Variants in PIK3C2B observed in about 807,000 individuals in gnomAD.
PIK3C2B encodes the protein phosphatidylinositol 4-phosphate 3-kinase C2 domain-containing subunit beta.
PIK3C2B carries 83 observed loss-of-function variants against 184.3 expected under a neutral mutation model. The ratio of observed to expected loss-of-function variants is 0.45; its 90% CI spans 0.38 to 0.54. The LOEUF (loss-of-function observed/expected upper bound fraction) is 0.54. Among genes scored for constraint, PIK3C2B ranks in the 20% least tolerant of loss-of-function variants. The probability of loss-of-function intolerance (pLI) is 0.00; values close to 1 mark genes in which losing one functional copy is unlikely to be tolerated. For synonymous variants in PIK3C2B, 779 were observed against 837.6 expected, an observed-to-expected ratio of 0.93 and a Z score of 1.21; for missense variants, 1,736 against 2,113.5, an observed-to-expected ratio of 0.82 and a Z score of 3.50.
chr1:204,451,095 C>A (rs1654309486), intron 12 of PIK3C2B, among the ~76,000 whole-genome samples: 1 of 152,246 alleles, frequency 6.6e-6, no homozygotes, highest in Non-Finnish European at 1.5e-5. Flanking sequence ...GCTGCCTCTA[C>A]CCTGGGGGCC....
chr1:204,447,537 G>T lies in PIK3C2B; in HGVS notation c.2388C>A (p.Ser796Arg). 6.2e-7 allele frequency: 1 copy of T among 1,610,170 alleles called. No homozygotes were observed. The highest frequency in any genetic ancestry group is 8.5e-7 in the Non-Finnish European group (1 of 1,177,204). The change falls in exon 15 of 33, where the codon AGC becomes AGA. Residue 796 changes from serine (S) to arginine (R), a missense_variant. Physicochemically the swap from Ser to Arg is moderately radical, Grantham distance 110. Coordinates refer to ENST00000684373, the MANE Select transcript of PIK3C2B (RefSeq NM_001377334.1). The surrounding 1 kb of genome is among the most constrained non-coding windows in gnomAD (Gnocchi z 4.1). ...PTSAFDIKFT[S>R]PPGDKFSPRY... is the part of the protein sequence containing the mutation. ...GGGGGCTGAACTTGTCTCCAGGGGG[G>T]CTGGTGAACTTGATGTCAAAGGCCG...
Position 204,449,991 on chromosome 1 carries a change from C to T in PIK3C2B, c.2093G>A (p.Arg698Gln), listed in dbSNP as rs763323789. 11 of 1,584,962 alleles carry T rather than the reference C, an allele frequency of 6.9e-6. No individual in the cohort carries two copies. Among genetic ancestry groups the T allele is most frequent in the South Asian group, 4.6e-5 (4 of 87,142 alleles). The change falls in exon 13 of 33, where the codon CGG (arginine) becomes CAG (glutamine). Residue 698 changes from arginine (R) to glutamine (Q), a missense_variant. Arg to Gln is a conservative substitution (Grantham distance 43). Coordinates refer to ENST00000684373, the MANE Select transcript of PIK3C2B (RefSeq NM_001377334.1). ...ACACAGCAGTGTCTCCCGAGGCAGC[C>T]GGTTCACCTGCACTGGGAAGCAGAT... ...QQICFPVQVNRLPRETLLCAT... is the reference protein window; with the variant it reads ...QQICFPVQVNQLPRETLLCAT...
Position 204,469,901 on chromosome 1 carries a change from T to C in PIK3C2B, c.-84-15A>G, listed in dbSNP as rs191885769. 1.1e-3 allele frequency: 734 copies of C among 693,632 alleles called. No homozygotes were observed. In the African/African-American group the frequency reaches 0.011, roughly 10 times the overall value. 43.0% of individuals were successfully genotyped at this position (693,632 alleles called of 1,614,324 possible). On this transcript the variant is annotated splice_polypyrimidine_tract_variant and intron_variant, in intron 1 of 32. Transcript: ENST00000684373. ...TGTCTGGGCGCCTGCAGGTGAGGGGTAAAAATATCAATCAGTCACAAAGAG... is the reference window on the plus strand; with the variant it reads ...TGTCTGGGCGCCTGCAGGTGAGGGGCAAAAATATCAATCAGTCACAAAGAG...
chr1:204,440,765 TTATA>T (rs34842826), intron 21 of PIK3C2B, among the ~76,000 whole-genome samples: 1,535 of 139,866 alleles, frequency 0.011, 24 homozygotes, highest in African/African-American at 0.036. Flanking sequence ...CCCAGCTAAT[TTATA>T]TATATATATA....
chr1:204,484,972 T>G (rs1288440902), intron 1 of PIK3C2B, among the ~76,000 whole-genome samples: 1 of 151,820 alleles, frequency 6.6e-6, no homozygotes, highest in Non-Finnish European at 1.5e-5. Flanking sequence ...AGACCAGAAG[T>G]GGGAGTCCAG....
intron 13 of PIK3C2B, 23 bp downstream of exon 13, chr1:204,449,827 G>A: frequency 6.3e-7 from 1 of 1,579,618 alleles, no homozygotes; most frequent in East Asian, 2.2e-5. Flanking sequence ...AGGCCAAGAA[G>A]CTGTACCCTG....
chr1:204,463,860 T>G, intron 5 of PIK3C2B, 152 bp downstream of exon 5: 3 of 756,448 alleles, frequency 4.0e-6, no homozygotes, highest in Non-Finnish European at 6.4e-6. Flanking sequence ...CTGGGGAAAG[T>G]GCTACGTGGC....
chr1:204,474,287 G>A (rs775462211), intron 1 of PIK3C2B, among the ~76,000 whole-genome samples: 3 of 151,920 alleles, frequency 2.0e-5, no homozygotes, highest in Admixed American at 1.3e-4. Context: ...CACCGTGCCC[G>A]GCTCCCCTTG....
intron 1 of PIK3C2B, among the ~76,000 whole-genome samples, chr1:204,472,111 C>T (rs1656335480): frequency 6.6e-6 from 1 of 151,888 alleles, no homozygotes; most frequent in Non-Finnish European, 1.5e-5. Context: ...ACGACAAGGT[C>T]AGTCTGGCCC....
chr1:204,493,361 C>G (rs1366268079), intron 1 of PIK3C2B, among the ~76,000 whole-genome samples: 5 of 151,860 alleles, frequency 3.3e-5, no homozygotes, highest in African/African-American at 1.2e-4. Context: ...ACAAAACTCT[C>G]CAACAGAGTT....
rs1307865310 is a variant in PIK3C2B at position 204,460,645 on chromosome 1, T to C, written c.1327A>G (p.Ser443Gly). The change falls in exon 6 of 33, where the codon AGT becomes GGT. Residue 443 changes from serine (S) to glycine (G), a missense_variant. By Grantham distance (56) the Ser-to-Gly change is moderately conservative. Transcript: ENST00000684373. ...CGGCAGTATTGGATGTACTCATGAC[T>C]GCCCAAGGCATGCTTGCTGGTAGGG... Reference protein sequence around the residue: ...EFLQNKHALGSHEYIQYCRKF... With the variant: ...EFLQNKHALGGHEYIQYCRKF... The C allele has an allele frequency of 1.1e-5, 18 of 1,612,030 alleles. No homozygotes were observed. The highest frequency in any genetic ancestry group is 1.4e-5 in the Non-Finnish European group (17 of 1,178,114).
intron 29 of PIK3C2B, among the ~76,000 whole-genome samples, chr1:204,428,443 G>A (rs926583511): frequency 2.6e-5 from 4 of 152,286 alleles, no homozygotes; most frequent in African/African-American, 4.8e-5. Flanking sequence ...TAATAATACT[G>A]TAGTTACTTT....
intron 30 of PIK3C2B, 68 bp downstream of exon 30, chr1:204,428,071 G>A: frequency 1.1e-6 from 1 of 870,306 alleles, no homozygotes. Context: ...AAGAGGTTGG[G>A]GCAGAAGCAG....
intron 16 of PIK3C2B, among the ~76,000 whole-genome samples, 196 bp downstream of exon 16, chr1:204,445,760 G>T (rs1332165384): frequency 6.6e-6 from 1 of 152,174 alleles, no homozygotes; most frequent in East Asian, 1.9e-4. Context: ...CAATTTTGTT[G>T]TATGTTTGAA....
intron 31 of PIK3C2B, among the ~76,000 whole-genome samples, chr1:204,426,926 A>G (rs1002128909): frequency 1.3e-5 from 2 of 152,198 alleles, no homozygotes; most frequent in Admixed American, 1.3e-4. Context: ...ACCTGAAGTC[A>G]GGCATTCAAG....
At chr1:204,479,182 G>T (rs182889148) in intron 1 of PIK3C2B, among the ~76,000 whole-genome samples, 1 of 152,272 alleles carries the variant, frequency 6.6e-6, no homozygotes, top group East Asian at 1.9e-4. Flanking sequence ...GGCAGTACGT[G>T]TATTTCTAAC....
At chr1:204,488,082 C>T (rs1558289332) in intron 1 of PIK3C2B, among the ~76,000 whole-genome samples, 1 of 152,148 alleles carries the variant, frequency 6.6e-6, no homozygotes, top group Non-Finnish European at 1.5e-5. Context: ...CCTCATCTTA[C>T]GTATGAGGAA....
chr1:204,427,936 G>A (rs1047584688), intron 30 of PIK3C2B, among the ~76,000 whole-genome samples, 182 bp from the exon 31 acceptor site: 1 of 152,164 alleles, frequency 6.6e-6, no homozygotes, highest in Admixed American at 6.5e-5. Context: ...GGATATAATC[G>A]ACTGAATATC....
chr1:204,428,347 T>C (rs988325989), intron 29 of PIK3C2B, 127 bp from the exon 30 acceptor site: 14 of 631,062 alleles, frequency 2.2e-5, no homozygotes, highest in Non-Finnish European at 4.0e-5. Context: ...AGTTCTTATG[T>C]GGATTATAGC....
Sources: allele counts gnomAD v4.1 joint callset (sites outside exome capture counted in the v4.1 genomes callset), GRCh38; gene constraint gnomAD v4.1.1; non-coding constraint Gnocchi (gnomAD v3.1); transcripts MANE v1.5; gene names NCBI Gene and HGNC (gene_info 2026-07-23, HGNC 2026-07-21).